Variants in CEBPZ observed in about 807,000 individuals in gnomAD.
CEBPZ encodes CCAAT/enhancer-binding protein zeta.
CEBPZ carries 78 observed loss-of-function variants against 104.5 expected under a neutral mutation model. The observed-to-expected ratio is 0.75, with a 90% CI of 0.62 to 0.90. The LOEUF (loss-of-function observed/expected upper bound fraction) is 0.90. CEBPZ is among the 40% of genes least tolerant of loss of function. CEBPZ has a pLI of 0.00. For synonymous variants in CEBPZ, 470 were observed against 427.0 expected (o/e 1.10, Z -1.24); for missense variants, 1,439 against 1,233.5 (o/e 1.17, Z -2.50).
At chr2:37,223,720 G>A (rs557137001) in intron 2 of CEBPZ, among the ~76,000 whole-genome samples, 1 of 152,324 alleles carries the variant, frequency 6.6e-6, no homozygotes, top group South Asian at 2.1e-4. Context: ...AACCCCACCA[G>A]AAAAGCTAAT....
chr2:37,231,471 T>C lies in CEBPZ; in HGVS notation c.97A>G (p.Thr33Ala). 1 of 1,614,164 alleles carries C rather than the reference T, an allele frequency of 6.2e-7. No individual in the cohort carries two copies. Among genetic ancestry groups the C allele is most frequent in the Non-Finnish European group, 8.5e-7 (1 of 1,179,988 alleles). The change falls in exon 1 of 16, where the codon ACT (threonine) becomes GCT (alanine). Residue 33 changes from threonine to alanine, a missense_variant. By Grantham distance (58) the Thr-to-Ala change is moderately conservative. Coordinates refer to ENST00000234170, the MANE Select transcript of CEBPZ (RefSeq NM_005760.3). ...GAGAACCCATTCTCGGCTTCACTAGTATTATCCTCATCCTCCTCGTCCGGA... is the reference window on the plus strand; with the variant it reads ...GAGAACCCATTCTCGGCTTCACTAGCATTATCCTCATCCTCCTCGTCCGGA... ...EDPDEEDEDN[T>A]SEAENGFSLE...
At position 37,228,782 on chromosome 2, in the gene CEBPZ, A is replaced by G. The variant is rs1664957361; in HGVS notation, c.411T>C (p.Asn137=). ...NTAESQRTSV[N]KVKNKNRPEP... Reference sequence around the variant, plus strand: ...CTGGCCTATTCTTATTTTTCACCTTATTAACTGATGTCCTTTGACTTTCTG... The same window carrying G: ...CTGGCCTATTCTTATTTTTCACCTTGTTAACTGATGTCCTTTGACTTTCTG... The change falls in exon 2 of 16, where the codon AAT becomes AAC. Residue 137 remains asparagine, a synonymous_variant. Transcript: ENST00000234170. 2 of 1,613,286 alleles carry G rather than the reference A, an allele frequency of 1.2e-6. No homozygotes were observed. Among genetic ancestry groups the G allele is most frequent in the South Asian group, 1.1e-5 (1 of 90,768 alleles).
chr2:37,225,285 G>C (rs1391475278), intron 2 of CEBPZ, among the ~76,000 whole-genome samples: 11 of 152,176 alleles, frequency 7.2e-5, no homozygotes, highest in Non-Finnish European at 4.4e-5. Flanking sequence ...CTTAATATCT[G>C]TGTGACCTTG....
At position 37,227,965 on chromosome 2, in the gene CEBPZ, G is replaced by A. The variant is rs1461689397; in HGVS notation, c.1228C>T (p.Leu410Phe). 3 of 1,614,066 alleles carry A rather than the reference G, an allele frequency of 1.9e-6. No homozygotes were observed. The highest frequency in any genetic ancestry group is 1.7e-6 in the Non-Finnish European group (2 of 1,180,036). ...CCTTTCATATTGGGATGTTTACAAAGTAATGTCTCTAACAGATGGGATGCT... is the reference window on the plus strand; with the variant it reads ...CCTTTCATATTGGGATGTTTACAAAATAATGTCTCTAACAGATGGGATGCT... ...TKASHLLETLLCKHPNMKGVV... is the reference protein window; with the variant it reads ...TKASHLLETLFCKHPNMKGVV... The change falls in exon 2 of 16, where the codon CTT becomes TTT. Residue 410 changes from leucine (L) to phenylalanine (F), a missense_variant. Leu to Phe is a conservative substitution (Grantham distance 22). Transcript: ENST00000234170.
chr2:37,208,582 AAATC>A (rs1330079246), intron 13 of CEBPZ, among the ~76,000 whole-genome samples: 1 of 152,184 alleles, frequency 6.6e-6, no homozygotes, highest in Non-Finnish European at 1.5e-5. Context: ...GCATTTGACA[AAATC>A]AAGCATCCTT....
chr2:37,226,940 T>A (rs1664900068), intron 2 of CEBPZ, among the ~76,000 whole-genome samples: 1 of 151,994 alleles, frequency 6.6e-6, no homozygotes, highest in African/African-American at 2.4e-5. Flanking sequence ...GCACCCTGCA[T>A]CCCCCAAAAC....
At chr2:37,221,103 T>G (rs1664760650) in intron 4 of CEBPZ, among the ~76,000 whole-genome samples, 1 of 152,142 alleles carries the variant, frequency 6.6e-6, no homozygotes, top group Non-Finnish European at 1.5e-5. Context: ...AAAGGCTGCT[T>G]GAGACCAAGA....
intron 13 of CEBPZ, chr2:37,204,668 C>G (rs1677467449): frequency 6.6e-6 from 1 of 152,166 alleles, no homozygotes; most frequent in Admixed American, 6.5e-5. Context: ...GATATCTACT[C>G]TAACACCTGT....
At chr2:37,207,134 G>A (rs1232352760) in intron 13 of CEBPZ, among the ~76,000 whole-genome samples, 1 of 152,140 alleles carries the variant, frequency 6.6e-6, no homozygotes, top group South Asian at 2.1e-4. Flanking sequence ...CCTACCACCA[G>A]AGCTTCCAAA....
chr2:37,231,402 C>T lies in CEBPZ; in HGVS notation c.156+10G>A. 1.2e-6 allele frequency: 2 copies of T among 1,613,668 alleles called. No individual in the cohort carries two copies. The highest frequency in any genetic ancestry group is 1.7e-6 in the Non-Finnish European group (2 of 1,179,918). On this transcript the variant is annotated intron_variant, in intron 1 of 15. Transcript: ENST00000234170. ...GCCTGATCCCGTTCCCCGGAGCCCG[C>T]GGCCGTTACCTTGGTGCCTCCGAGC...
intron 13 of CEBPZ, 26 bp from the exon 14 acceptor site, chr2:37,203,034 A>G (rs776125465): frequency 7.1e-7 from 1 of 1,415,594 alleles, no homozygotes; most frequent in South Asian, 1.4e-5. Context: ...AGTCTACATT[A>G]TTCAATTATA....
intron 9 of CEBPZ, among the ~76,000 whole-genome samples, chr2:37,214,395 G>T (rs1356641893): frequency 6.6e-6 from 1 of 152,010 alleles, no homozygotes; most frequent in Non-Finnish European, 1.5e-5. Flanking sequence ...CTATAACAGT[G>T]CACTGAATCC....
Position 37,216,221 on chromosome 2 carries a change from A to T in CEBPZ, c.2312-13T>A. Reference sequence around the variant, plus strand: ...CTATCTGTGTTTTCTGAAATGTAAAATTATGACAGTATAATGCAAAACCTA... The same window carrying T: ...CTATCTGTGTTTTCTGAAATGTAAATTTATGACAGTATAATGCAAAACCTA... On this transcript the variant is annotated splice_polypyrimidine_tract_variant and intron_variant, in intron 7 of 15. Transcript: ENST00000234170. 4 of 1,611,462 alleles carry T rather than the reference A, an allele frequency of 2.5e-6. No homozygotes were observed. The highest frequency in any genetic ancestry group is 3.4e-6 in the Non-Finnish European group (4 of 1,178,550).
chr2:37,223,944 G>A (rs952167779), intron 2 of CEBPZ, among the ~76,000 whole-genome samples: 22 of 152,242 alleles, frequency 1.4e-4, no homozygotes, highest in African/African-American at 4.6e-4. Flanking sequence ...TCTCATACAC[G>A]CTATTTTCAC....
At chr2:37,204,488 G>A (rs1677456360) in intron 13 of CEBPZ, 1 of 130,642 alleles carries the variant, frequency 7.7e-6, no homozygotes, top group Non-Finnish European at 1.7e-5. Context: ...ATGTTGGCCA[G>A]GATGGTCTTG....
chr2:37,219,386 T>C (rs1664711143), intron 5 of CEBPZ, among the ~76,000 whole-genome samples: 1 of 148,336 alleles, frequency 6.7e-6, no homozygotes, highest in Admixed American at 6.8e-5. Context: ...TGTGTCATCA[T>C]TCTTAAGTCA....
intron 11 of CEBPZ, 139 bp from the exon 12 acceptor site, chr2:37,212,178 G>T: frequency 1.0e-6 from 1 of 978,192 alleles, no homozygotes. Flanking sequence ...ATAATAACGT[G>T]CTTTATAAAT....
chr2:37,231,371 C>T lies in CEBPZ; in HGVS notation c.156+41G>A, dbSNP rs765714706. ...AGTCAGCCTAGCCACCTTCGGAACT[C>T]TCCACGCCTGATCCCGTTCCCCGGA... On this transcript the variant is annotated intron_variant, in intron 1 of 15. Transcript: ENST00000234170. 109 of 1,612,262 alleles carry T rather than the reference C, an allele frequency of 6.8e-5. 1 individual carries two copies. The highest frequency in any genetic ancestry group is 8.8e-5 in the South Asian group (8 of 91,042).
Position 37,228,826 on chromosome 2 carries a change from T to C in CEBPZ, c.367A>G (p.Ile123Val), listed in dbSNP as rs1558479353. Residue 123 changes from isoleucine (I) to valine (V), a missense_variant, in exon 2 of 16, where the codon ATA becomes GTA. Coordinates refer to ENST00000234170, the MANE Select transcript of CEBPZ (RefSeq NM_005760.3). ...CTTTCTGCTGTATTTTTATTATTTATTTTAGGTATTTTTACTTCTTTTTTG... is the reference window on the plus strand; with the variant it reads ...CTTTCTGCTGTATTTTTATTATTTACTTTAGGTATTTTTACTTCTTTTTTG... ...SSKKEVKIPKINNKNTAESQR... is the reference protein window; with the variant it reads ...SSKKEVKIPKVNNKNTAESQR... The C allele has an allele frequency of 6.2e-7, 1 of 1,600,622 alleles. No individual in the cohort carries two copies. The highest frequency in any genetic ancestry group is 1.7e-5 in the Admixed American group (1 of 57,434).
Sources: allele counts gnomAD v4.1 joint callset (sites outside exome capture counted in the v4.1 genomes callset), GRCh38; gene constraint gnomAD v4.1.1; transcripts MANE v1.5; gene names NCBI Gene and HGNC (gene_info 2026-07-23, HGNC 2026-07-21).